Variants in THTPA observed in about 807,000 individuals in gnomAD.
The protein encoded by THTPA is thiamine triphosphatase.
A neutral mutation model predicts 16.5 loss-of-function variants in THTPA; 16 were observed. The ratio of observed to expected loss-of-function variants is 0.97; its 90% CI spans 0.66 to 1.47. The LOEUF is 1.47. THTPA is among the 40% of genes most tolerant of loss of function. THTPA has a pLI of 0.00. For synonymous variants in THTPA, 110 were observed against 115.5 expected, an observed-to-expected ratio of 0.95 and a Z score of 0.30; for missense variants, 281 against 280.9, an observed-to-expected ratio of 1.00 and a Z score of 0.00.
chr14:23,515,656 A>G, the THTPA span, among the ~76,000 whole-genome samples: 100 of 152,240 alleles, frequency 6.6e-4, no homozygotes, highest in African/African-American at 2.1e-3. Flanking sequence ...TCTTTAGAAG[A>G]TCTGGAAGAT....
At chr14:23,537,073 G>C in the THTPA span, among the ~76,000 whole-genome samples, 1 of 152,154 alleles carries the variant, frequency 6.6e-6, no homozygotes, top group African/African-American at 2.4e-5. Flanking sequence ...CTGGGAGGCA[G>C]AGCTTGCAGT....
At chr14:23,544,645 C>T in the THTPA span, among the ~76,000 whole-genome samples, 1 of 152,130 alleles carries the variant, frequency 6.6e-6, no homozygotes, top group African/African-American at 2.4e-5. Flanking sequence ...GCCCGGCTGG[C>T]GCGGGCGTGT....
rs1882399849 is a variant in THTPA at position 23,556,609 on chromosome 14, G to A, written c.-149G>A. ...TCACCGAGGTAGAGAGAAAAGGGCA[G>A]TAGCCCTAGAGACTATTGCGACACA... On this transcript the variant is annotated 5_prime_UTR_variant, in exon 1 of 2. Coordinates refer to ENST00000288014, the MANE Select transcript of THTPA (RefSeq NM_024328.6). The A allele has an allele frequency of 2.5e-6, 2 of 785,866 alleles. No homozygotes were observed. The highest frequency in any genetic ancestry group is 1.9e-5 in the South Asian group (1 of 52,900). The allele number at this position is 785,866 out of a possible 1,614,324, so 48.7% of individuals were successfully genotyped here.
At chr14:23,549,394 C>G in the THTPA span, among the ~76,000 whole-genome samples, 1 of 152,080 alleles carries the variant, frequency 6.6e-6, no homozygotes, top group Non-Finnish European at 1.5e-5. Flanking sequence ...TTTACCTTTC[C>G]AAGCTCCTGA....
chr14:23,533,319 G>A, the THTPA span: 54 of 1,438,426 alleles, frequency 3.8e-5, 1 homozygote, highest in Middle Eastern at 1.8e-4. This position sits in a 1 kb window ranked among gnomAD's most constrained non-coding sequence, Gnocchi z 4.8. Context: ...GTGCTCCTAC[G>A]TGGTGGAAAC....
At chr14:23,558,409 C>G (rs372117863) in intron 1 of THTPA, among the ~76,000 whole-genome samples, 4 of 152,220 alleles carry the variant, frequency 2.6e-5, no homozygotes, top group African/African-American at 9.6e-5. Flanking sequence ...AGGCATCCTT[C>G]GTTTATCTTG....
chr14:23,552,188 C>T (rs908957249), upstream of THTPA, among the ~76,000 whole-genome samples: 3 of 152,078 alleles, frequency 2.0e-5, no homozygotes, highest in Admixed American at 6.6e-5. Flanking sequence ...TCTCTGAGAG[C>T]TTCTGCCTCC....
the THTPA span, chr14:23,534,871 T>C: frequency 2.6e-6 from 4 of 1,536,084 alleles, no homozygotes; most frequent in Non-Finnish European, 3.5e-6. The surrounding 1 kb of genome is among the most constrained non-coding windows in gnomAD (Gnocchi z 4.5). Context: ...CAGACTGGGC[T>C]CTTCCTTGAT....
chr14:23,530,691 A>G, the THTPA span: 1 of 342,130 alleles, frequency 2.9e-6, no homozygotes, highest in Non-Finnish European at 5.7e-6. Context: ...TTAAAGTGTT[A>G]AAGTTCCTTA....
chr14:23,540,428 C>G, the THTPA span, among the ~76,000 whole-genome samples: 1 of 152,208 alleles, frequency 6.6e-6, no homozygotes, highest in Non-Finnish European at 1.5e-5. Flanking sequence ...TACTCACTGT[C>G]CTCGCCTTCC....
chr14:23,558,942 C>T lies in THTPA; in HGVS notation c.*102C>T. 1 of 1,411,192 alleles carries T rather than the reference C, an allele frequency of 7.1e-7. No individual in the cohort carries two copies. Among genetic ancestry groups the T allele is most frequent in the Admixed American group, 2.1e-5 (1 of 47,768 alleles). The allele number at this position is 1,411,192 out of a possible 1,614,324, so 87.4% of individuals were successfully genotyped here. On this transcript the variant is annotated 3_prime_UTR_variant, in exon 2 of 2. Transcript: ENST00000288014. ...TCAGTGTCCCTTCTGACAGTGACTC[C>T]TCTCTCTCCAGCGCTGCCTGTTTCT...
chr14:23,558,917 TCA>T lies in THTPA; in HGVS notation c.*78_*79del. On this transcript the variant is annotated 3_prime_UTR_variant, in exon 2 of 2. Coordinates refer to ENST00000288014, the MANE Select transcript of THTPA (RefSeq NM_024328.6). ...TCCTGGGCCCACTGTGCCTCTCCCC[TCA>T]GTGTCCCTTCTGACAGTGACTCCTC... The T allele has an allele frequency of 6.4e-7, 1 of 1,555,886 alleles. No individual in the cohort carries two copies. The highest frequency in any genetic ancestry group is 8.8e-7 in the Non-Finnish European group (1 of 1,141,876).
At chr14:23,553,710 G>C (rs1178907490), upstream of THTPA, among the ~76,000 whole-genome samples, 1 of 150,826 alleles carries the variant, frequency 6.6e-6, no homozygotes, top group African/African-American at 2.4e-5. Context: ...CTGACTAACA[G>C]GGTAAAACCC....
chr14:23,528,689 A>G, the THTPA span: 1 of 985,116 alleles, frequency 1.0e-6, no homozygotes, highest in Non-Finnish European at 1.2e-6. Flanking sequence ...CTTATTTTCC[A>G]TCTTTCTTTT....
At chr14:23,526,989 G>A in the THTPA span, 1 of 1,491,004 alleles carries the variant, frequency 6.7e-7, no homozygotes, top group Non-Finnish European at 8.9e-7. Context: ...ATGAGAAAAA[G>A]CCTAGTGGCT....
At chr14:23,526,244 T>C in the THTPA span, 2 of 1,536,246 alleles carry the variant, frequency 1.3e-6, no homozygotes, top group Non-Finnish European at 1.7e-6. Flanking sequence ...GGCACCGGCC[T>C]CTCCCCGTGC....
chr14:23,549,652 G>A, the THTPA span, among the ~76,000 whole-genome samples: 1 of 152,160 alleles, frequency 6.6e-6, no homozygotes, highest in Non-Finnish European at 1.5e-5. Context: ...CTGAAGGATG[G>A]GGGGCAACCA....
the THTPA span, among the ~76,000 whole-genome samples, chr14:23,519,992 C>G: frequency 1.3e-5 from 2 of 152,188 alleles, no homozygotes; most frequent in African/African-American, 4.8e-5. Context: ...GCAGACTTTT[C>G]TTTGCTAAAA....
chr14:23,531,252 A>T, the THTPA span: 1 of 485,054 alleles, frequency 2.1e-6, no homozygotes, highest in Non-Finnish European at 3.3e-6. Flanking sequence ...GTTCTATGTC[A>T]TCCACCCAGC....
Sources: gnomAD v4.1 joint callset for allele counts (sites outside exome capture counted in the v4.1 genomes callset) on GRCh38, gnomAD v4.1.1 for gene constraint, Gnocchi (gnomAD v3.1) non-coding constraint, MANE v1.5 for transcripts, NCBI Gene and HGNC (gene_info 2026-07-23, HGNC 2026-07-21) for gene names.